Variants in PFAS observed in about 807,000 individuals in gnomAD.
The protein encoded by PFAS is phosphoribosylformylglycinamidine synthase.
Under a neutral mutation model 140.6 loss-of-function variants are expected in PFAS, and 97 were observed. The ratio of observed to expected loss-of-function variants is 0.69; its 90% CI spans 0.59 to 0.82. PFAS has a LOEUF of 0.82. Ranked by LOEUF, PFAS falls within the 40% of genes least tolerant of loss-of-function variation. The pLI, the probability that PFAS is intolerant of heterozygous loss-of-function variation, is 0.00. For missense variants in PFAS, 1,656 were observed against 1,780.2 expected (o/e 0.93, Z 1.26); for synonymous variants, 679 against 718.8 (o/e 0.94, Z 0.88).
chr17:8,265,786 T>G lies in PFAS; in HGVS notation c.2546-76T>G, dbSNP rs529425987. 1,688 of 1,370,408 alleles carry G rather than the reference T, an allele frequency of 1.2e-3. 3 individuals are homozygous for G. The highest frequency in any genetic ancestry group is 1.7e-3 in the Non-Finnish European group (1,619 of 967,912). 84.9% of individuals were successfully genotyped at this position (1,370,408 alleles called of 1,614,324 possible). The stretch of plus-strand genomic sequence containing the variant: ...TAGGTGTCTCACCACATGCTGGGAA[T>G]AGCAGTGCTGTGAGCCCCTCAGGGA... On this transcript the variant is annotated intron_variant, in intron 20 of 27. Transcript: ENST00000314666.
At chr17:8,259,351 G>A (rs555974930) in intron 11 of PFAS, among the ~76,000 whole-genome samples, 2 of 152,000 alleles carry the variant, frequency 1.3e-5, no homozygotes, top group Non-Finnish European at 2.9e-5. Flanking sequence ...GCTCACTGTG[G>A]CCTTGAGCTC....
In PFAS at chr17:8,255,065, C is replaced by T. The variant is rs1989305616; in HGVS notation, c.317C>T (p.Ser106Leu). 1.2e-6 allele frequency: 2 copies of T among 1,614,010 alleles called. No homozygotes were observed. Among genetic ancestry groups the T allele is most frequent in the Non-Finnish European group, 1.7e-6 (2 of 1,179,988 alleles). Reference sequence around the variant, plus strand: ...ACCCCAACATCCACCAACATCGTGTCAGTGTGCCGCGCCACTGGGCTGGGG... The same window carrying T: ...ACCCCAACATCCACCAACATCGTGTTAGTGTGCCGCGCCACTGGGCTGGGG... ...FSTPTSTNIV[S>L]VCRATGLGPV... The change falls in exon 4 of 28, where the codon TCA (serine) becomes TTA (leucine). Residue 106 changes from serine to leucine, a missense_variant. Ser to Leu is a moderately radical substitution (Grantham distance 145). Transcript: ENST00000314666.
At position 8,265,001 on chromosome 17, in the gene PFAS, T is replaced by C. The variant is rs777251573; in HGVS notation, c.2156T>C (p.Ile719Thr). 7.5e-5 allele frequency: 121 copies of C among 1,613,390 alleles called. No individual in the cohort carries two copies. In the Middle Eastern group the frequency reaches 2.1e-3, roughly 29 times the overall value. The change falls in exon 18 of 28, where the codon ATA (isoleucine) becomes ACA (threonine). Residue 719 changes from isoleucine (I) to threonine (T), a missense_variant. Around this residue, in one of 2 missense-constraint regions of PFAS, gnomAD observed 883 missense variants for 1,023.0 expected, o/e 0.86. Coordinates refer to ENST00000314666, the MANE Select transcript of PFAS (RefSeq NM_012393.3). ...AVVALSHEELIGAATALGEQP... is the reference protein window; with the variant it reads ...AVVALSHEELTGAATALGEQP... ...GTGGCACTGAGCCATGAGGAGCTCA[T>C]AGGGGCTGCCACAGCCTTGGGAGAA... is the stretch of plus-strand genomic sequence containing the variant.
chr17:8,255,370 G>C, intron 4 of PFAS, 132 bp from the exon 5 acceptor site: 1 of 735,476 alleles, frequency 1.4e-6, no homozygotes, highest in South Asian at 2.0e-5. Flanking sequence ...GCGTCTTTTT[G>C]TAATCTGAGA....
chr17:8,260,664 G>A (rs551092647), intron 11 of PFAS, among the ~76,000 whole-genome samples: 7 of 152,088 alleles, frequency 4.6e-5, no homozygotes, highest in Non-Finnish European at 7.3e-5. Context: ...TCGCTCTGTC[G>A]CCCAAGCTGG....
rs1373916090 is a variant in PFAS at position 8,267,921 on chromosome 17, ATAT to A, written c.3382+262_3382+264del. Among the ~76,000 whole-genome samples, 4 of 142,398 alleles carry A rather than the reference ATAT, an allele frequency of 2.8e-5. No individual in the cohort carries two copies. The highest frequency in any genetic ancestry group is 3.4e-3 in the Middle Eastern group (1 of 298). The allele number at this position is 142,398 out of a possible 152,430, so 93.4% of individuals were successfully genotyped here. A position where few individuals can be genotyped will look rare whatever the true frequency, so the allele number is the denominator to read the frequency against. ...TATATTATTTATATATATTATTTATATATTATTAAAATGTATATTATTTATATA... is the reference window on the plus strand; with the variant it reads ...TATATTATTTATATATATTATTTATATATTAAAATGTATATTATTTATATA... On this transcript the variant is annotated intron_variant, in intron 26 of 27. Coordinates refer to ENST00000314666, the MANE Select transcript of PFAS (RefSeq NM_012393.3). This position sits in a 1 kb window ranked among gnomAD's most constrained non-coding sequence, Gnocchi z 4.9.
intron 11 of PFAS, among the ~76,000 whole-genome samples, chr17:8,261,157 G>C (rs1567640586): frequency 6.6e-6 from 1 of 152,086 alleles, no homozygotes; most frequent in Admixed American, 6.6e-5. Flanking sequence ...AGGCATAATA[G>C]TGGGTATGAA....
intron 1 of PFAS, among the ~76,000 whole-genome samples, chr17:8,250,844 G>T (rs1363031149): frequency 6.6e-6 from 1 of 152,220 alleles, no homozygotes; most frequent in East Asian, 1.9e-4. Flanking sequence ...TTTTAAAAAA[G>T]AGTTTGGAAT....
chr17:8,259,370 A>C (rs1408144886), intron 11 of PFAS, among the ~76,000 whole-genome samples: 1 of 152,160 alleles, frequency 6.6e-6, no homozygotes, highest in Non-Finnish European at 1.5e-5. Context: ...TCCTGGGCTC[A>C]AGCAGTTCTC....
rs1989876739 is a variant in PFAS, at chr17:8,267,716, T to C, written c.3382+51T>C. 1 of 1,052,990 alleles carries C rather than the reference T, an allele frequency of 9.5e-7. No homozygotes were observed. The highest frequency in any genetic ancestry group is 2.4e-5 in the East Asian group (1 of 41,604). 65.2% of individuals were successfully genotyped at this position (1,052,990 alleles called of 1,614,324 possible). On this transcript the variant is annotated intron_variant, in intron 26 of 27. Coordinates refer to ENST00000314666, the MANE Select transcript of PFAS (RefSeq NM_012393.3). This position sits in a 1 kb window ranked among gnomAD's most constrained non-coding sequence, Gnocchi z 4.9. ...CCCTTCCCCCACATTCCTGAAGAGG[T>C]GCCTTTAGCCCCATCTTCCTGGGCT... is the stretch of plus-strand genomic sequence containing the variant.
In PFAS at chr17:8,264,289, C is replaced by T. The variant is rs200492613; in HGVS notation, c.1869C>T (p.Thr623=). The T allele has an allele frequency of 6.2e-7, 1 of 1,614,120 alleles. No individual in the cohort carries two copies. The highest frequency in any genetic ancestry group is 8.5e-7 in the Non-Finnish European group (1 of 1,180,000). The change falls in exon 16 of 28, where the codon ACC becomes ACT. Residue 623 remains threonine (T), a synonymous_variant. Transcript: ENST00000314666. ...ATGCCCCCCCGACACCCCTGCCAAC[C>T]CCTGTGGACCTGGAGCTCGAATGGG... ...QGDAPPTPLP[T]PVDLELEWVL...
At chr17:8,252,137 T>C (rs1989180359) in intron 1 of PFAS, among the ~76,000 whole-genome samples, 1 of 151,282 alleles carries the variant, frequency 6.6e-6, no homozygotes. Context: ...CTACTAATAA[T>C]ACAAAAATTA....
Position 8,264,337 on chromosome 17 carries a change from G to T in PFAS, c.1917G>T (p.Lys639Asn). Residue 639 changes from lysine to asparagine, a missense_variant and splice_region_variant, in exon 16 of 28, where the codon AAG (lysine) becomes AAT (asparagine). Lys to Asn is a moderately conservative substitution (Grantham distance 94). Coordinates refer to ENST00000314666, the MANE Select transcript of PFAS (RefSeq NM_012393.3). ...GGGTGCTGGGCAAGATGCCTCGGAA[G>T]GTATGTGGGGTTGAGGGGATGGGTT... ...LEWVLGKMPR[K>N]EFFLQRKPPM... 1 of 1,613,806 alleles carries T rather than the reference G, an allele frequency of 6.2e-7. No individual in the cohort carries two copies. The highest frequency in any genetic ancestry group is 8.5e-7 in the Non-Finnish European group (1 of 1,179,864).
chr17:8,255,821 T>C lies in PFAS; in HGVS notation c.591T>C (p.Ser197=). ...GTCTCCTAGGTCTGGCTTTAGACTCTTGGGACCTAGACTTCTACACCAAGC... is the reference window on the plus strand; with the variant it reads ...GTCTCCTAGGTCTGGCTTTAGACTCCTGGGACCTAGACTTCTACACCAAGC... ...ANQELGLALD[S]WDLDFYTKRF... The change falls in exon 6 of 28, where the codon TCT becomes TCC. Residue 197 remains serine, a synonymous_variant. Coordinates refer to ENST00000314666, the MANE Select transcript of PFAS (RefSeq NM_012393.3). The C allele has an allele frequency of 6.2e-7, 1 of 1,614,008 alleles. No homozygotes were observed. The highest frequency in any genetic ancestry group is 8.5e-7 in the Non-Finnish European group (1 of 1,179,896).
chr17:8,248,201 C>G (rs1988949486), upstream of PFAS: 1 of 629,894 alleles, frequency 1.6e-6, no homozygotes, highest in Non-Finnish European at 2.9e-6. Context: ...CGAGGCGCCT[C>G]GGTGCACCAT....
chr17:8,253,905 G>A lies in PFAS; in HGVS notation c.-33G>A, dbSNP rs1260710766. The A allele has an allele frequency of 1.3e-6, 2 of 1,591,708 alleles. No individual in the cohort carries two copies. On this transcript the variant is annotated 5_prime_UTR_variant, in exon 2 of 28. Transcript: ENST00000314666. Reference sequence around the variant, plus strand: ...CAAAGGACACATCTCTCCAGCAAAGGACACCTCTCTCCAGCAAAGGACACC... The same window carrying A: ...CAAAGGACACATCTCTCCAGCAAAGAACACCTCTCTCCAGCAAAGGACACC...
At chr17:8,253,291 C>G (rs762044816) in intron 1 of PFAS, among the ~76,000 whole-genome samples, 8 of 152,148 alleles carry the variant, frequency 5.3e-5, no homozygotes, top group Non-Finnish European at 8.8e-5. Flanking sequence ...GTTTCTAAGA[C>G]CTTGACTGGG....
chr17:8,269,000 CA>C lies in PFAS; in HGVS notation c.3754del (p.Arg1252GlyfsTer21). The C allele has an allele frequency of 6.2e-7, 1 of 1,614,178 alleles. No individual in the cohort carries two copies. The highest frequency in any genetic ancestry group is 8.5e-7 in the Non-Finnish European group (1 of 1,180,004). On this transcript the variant is annotated frameshift_variant, in exon 28 of 28. Transcript: ENST00000314666. LOFTEE classifies it high-confidence loss of function. ...CGGAACTCCAAGCTCAGATTGAGGC[CA>C]GGGGCTTGGCTCCACTGCACTGGGC... ...SPELQAQIEA[R>X]GLAPLHWADD...
At chr17:8,256,196 G>A (rs1989355349) in intron 6 of PFAS, 71 bp from the exon 7 acceptor site, 2 of 1,479,572 alleles carry the variant, frequency 1.4e-6, no homozygotes, top group South Asian at 2.4e-5. Flanking sequence ...TTAAATGCTG[G>A]TGAGAAGACA....
Sources: gnomAD v4.1 joint callset for allele counts (sites outside exome capture counted in the v4.1 genomes callset) on GRCh38, gnomAD v4.1.1 for gene constraint, gnomAD v4.1.1 regional missense constraint, Gnocchi (gnomAD v3.1) non-coding constraint, MANE v1.5 for transcripts, NCBI Gene and HGNC (gene_info 2026-07-23, HGNC 2026-07-21) for gene names.